The following GSK3B variants were observed in gnomAD, a reference collection of about 807,000 sequenced individuals.
GSK3B encodes the protein glycogen synthase kinase 3 beta.
GSK3B carries 15 observed loss-of-function variants against 56.4 expected under a neutral mutation model. The observed-to-expected ratio is 0.27, with a 90% CI of 0.18 to 0.41. GSK3B has a LOEUF of 0.41. Ranked by LOEUF, GSK3B falls within the 10% of genes least tolerant of loss-of-function variation. GSK3B has a pLI of 1.00. For synonymous variants in GSK3B, 181 were observed against 188.9 expected (o/e 0.96, Z 0.34); for missense variants, 300 against 513.4 (o/e 0.58, Z 4.02).
intron 1 of GSK3B, among the ~76,000 whole-genome samples, chr3:120,002,908 T>C (rs375897886): frequency 1.2e-4 from 18 of 152,062 alleles, no homozygotes; most frequent in African/African-American, 4.1e-4. Context: ...TAAAAGGCCT[T>C]AGGGCTTTCT....
intron 10 of GSK3B, chr3:119,833,041 A>C: frequency 1.1e-6 from 1 of 905,050 alleles, no homozygotes; most frequent in Non-Finnish European, 1.3e-6. Flanking sequence ...AACTGTCTCA[A>C]TACTGAGGAA....
At chr3:120,017,589 A>T (rs187929033) in intron 1 of GSK3B, among the ~76,000 whole-genome samples, 19 of 152,280 alleles carry the variant, frequency 1.2e-4, no homozygotes, top group Non-Finnish European at 2.6e-4. Context: ...ACACATTTTT[A>T]ATCACTTTAA....
chr3:120,021,873 A>C (rs2057880982), intron 1 of GSK3B, among the ~76,000 whole-genome samples: 1 of 152,142 alleles, frequency 6.6e-6, no homozygotes, highest in Admixed American at 6.5e-5. Context: ...GTTTGAGAGG[A>C]CTGATTCCAA....
At chr3:119,871,281 TG>T (rs1312176106) in intron 8 of GSK3B, among the ~76,000 whole-genome samples, 16 of 152,352 alleles carry the variant, frequency 1.1e-4, no homozygotes, top group African/African-American at 3.6e-4. Context: ...TGATTCACTA[TG>T]AAGCATATTG....
At chr3:119,827,415 G>A (rs1381177499) in intron 10 of GSK3B, among the ~76,000 whole-genome samples, 1 of 151,980 alleles carries the variant, frequency 6.6e-6, no homozygotes, top group African/African-American at 2.4e-5. Context: ...AAAGCATCTT[G>A]TATCAACAGA....
intron 2 of GSK3B, among the ~76,000 whole-genome samples, chr3:119,948,627 T>C (rs143753903): frequency 2.0e-5 from 3 of 152,302 alleles, no homozygotes; most frequent in African/African-American, 7.2e-5. Context: ...CATAGAAAAC[T>C]ACCAACTTCA....
At chr3:120,039,723 G>A (rs1178757871) in intron 1 of GSK3B, among the ~76,000 whole-genome samples, 1 of 152,190 alleles carries the variant, frequency 6.6e-6, no homozygotes, top group Non-Finnish European at 1.5e-5. Flanking sequence ...ATGCGGGAGT[G>A]ACACAGAGGT....
intron 8 of GSK3B, among the ~76,000 whole-genome samples, chr3:119,867,884 C>A (rs1187999290): frequency 2.0e-5 from 3 of 151,872 alleles, no homozygotes; most frequent in African/African-American, 7.3e-5. Context: ...AGAATAAATT[C>A]TCTCATGAAC....
At chr3:119,951,058 G>C (rs544222063) in intron 2 of GSK3B, among the ~76,000 whole-genome samples, 1 of 152,256 alleles carries the variant, frequency 6.6e-6, no homozygotes, top group South Asian at 2.1e-4. Flanking sequence ...GAAAATGACA[G>C]ACTAGAAGGA....
At chr3:119,857,325 T>C (rs1367508516) in intron 9 of GSK3B, among the ~76,000 whole-genome samples, 1 of 152,186 alleles carries the variant, frequency 6.6e-6, no homozygotes, top group Non-Finnish European at 1.5e-5. Flanking sequence ...CTGGTAGAAT[T>C]TCTTTCAAAA....
intron 2 of GSK3B, among the ~76,000 whole-genome samples, chr3:119,979,342 C>A (rs112961544): frequency 0.026 from 3,916 of 152,200 alleles, 169 homozygotes; most frequent in African/African-American, 0.088. Context: ...GTCTCTCCTT[C>A]CTCCGAAACT....
chr3:120,042,845 A>C (rs1447561937), intron 1 of GSK3B, among the ~76,000 whole-genome samples: 1 of 152,246 alleles, frequency 6.6e-6, no homozygotes, highest in Non-Finnish European at 1.5e-5. Flanking sequence ...TTAGTTATAA[A>C]GACTCAGTTG....
At chr3:120,023,796 A>T (rs1194363313) in intron 1 of GSK3B, among the ~76,000 whole-genome samples, 1 of 152,198 alleles carries the variant, frequency 6.6e-6, no homozygotes, top group Non-Finnish European at 1.5e-5. Flanking sequence ...TCAATCTCAG[A>T]GGTCAAGAGC....
chr3:120,044,698 G>A (rs568463113), intron 1 of GSK3B, among the ~76,000 whole-genome samples: 132 of 152,280 alleles, frequency 8.7e-4, no homozygotes, highest in African/African-American at 2.8e-3. Context: ...AATCAGCAGC[G>A]ATTTATTAAT....
intron 2 of GSK3B, among the ~76,000 whole-genome samples, chr3:119,952,232 A>T (rs902359295): frequency 3.9e-5 from 6 of 152,154 alleles, no homozygotes; most frequent in African/African-American, 1.2e-4. Context: ...TCACGTCTAT[A>T]ATCCCAGCAC....
chr3:120,009,641 G>A (rs1319420068), intron 1 of GSK3B, among the ~76,000 whole-genome samples: 1 of 152,058 alleles, frequency 6.6e-6, no homozygotes, highest in Admixed American at 6.6e-5. Flanking sequence ...GTTGAACAAT[G>A]AGAACACATG....
chr3:120,035,395 C>A (rs1346923350), intron 1 of GSK3B, among the ~76,000 whole-genome samples: 1 of 152,188 alleles, frequency 6.6e-6, no homozygotes, highest in Non-Finnish European at 1.5e-5. Flanking sequence ...TTTAAGCCAC[C>A]TAGTTTTGGT....
At chr3:120,045,220 A>G (rs766730930) in intron 1 of GSK3B, among the ~76,000 whole-genome samples, 3 of 152,230 alleles carry the variant, frequency 2.0e-5, no homozygotes, top group Admixed American at 6.5e-5. Context: ...AAAAGATTAT[A>G]AAAATTAAAA....
intron 8 of GSK3B, among the ~76,000 whole-genome samples, chr3:119,864,541 T>C (rs1392519447): frequency 1.3e-5 from 2 of 152,050 alleles, no homozygotes; most frequent in Non-Finnish European, 2.9e-5. Context: ...AGGAAGAACA[T>C]ACAACGAAAT....
Sources: allele counts gnomAD v4.1 joint callset (sites outside exome capture counted in the v4.1 genomes callset), GRCh38; gene constraint gnomAD v4.1.1; transcripts MANE v1.5; gene names NCBI Gene and HGNC (gene_info 2026-07-23, HGNC 2026-07-21).